Variants in NEK11 observed in about 807,000 individuals in gnomAD.
NEK11 encodes the protein serine/threonine-protein kinase Nek11.
Under a neutral mutation model 80.7 loss-of-function variants are expected in NEK11, and 72 were observed. The ratio of observed to expected loss-of-function variants is 0.89; its 90% confidence interval spans 0.74 to 1.08. The LOEUF is 1.08. Among genes scored for constraint, NEK11 ranks in the 50% least tolerant of loss-of-function variants. The pLI is 0.00. For synonymous variants in NEK11, 251 were observed against 260.7 expected (o/e 0.96, Z 0.36); for missense variants, 764 against 763.6 (o/e 1.00, Z -0.01).
At chr3:131,319,026 T>C (rs1463674792) in intron 17 of NEK11, among the ~76,000 whole-genome samples, 1 of 152,024 alleles carries the variant, frequency 6.6e-6, no homozygotes, top group Non-Finnish European at 1.5e-5. Flanking sequence ...TTGTTTTCAG[T>C]TTTATAACTC....
At chr3:131,110,166 T>C (rs1348144786) in intron 5 of NEK11, among the ~76,000 whole-genome samples, 2 of 152,166 alleles carry the variant, frequency 1.3e-5, no homozygotes, top group African/African-American at 4.8e-5. Context: ...GACAGAAATT[T>C]GTATTAAACA....
intron 3 of NEK11, among the ~76,000 whole-genome samples, chr3:131,062,509 G>C (rs1160335925): frequency 2.6e-5 from 4 of 152,118 alleles, no homozygotes; most frequent in African/African-American, 9.7e-5. Flanking sequence ...TGCACACTGT[G>C]GTAGCCACCA....
At position 131,080,465 on chromosome 3, in the gene NEK11, T is replaced by A; in HGVS notation, c.213T>A (p.Asn71Lys). The change falls in exon 4 of 18, where the codon AAT becomes AAA. Residue 71 changes from asparagine (N) to lysine (K), a missense_variant. Transcript: ENST00000383366. ...KEISVGELNP[N>K]ETVQANLEAQ... ...TATCTGTTGGAGAACTAAATCCAAA[T>A]GAAACTGTACAGGCCAATTTGGAAG... The A allele has an allele frequency of 6.2e-7, 1 of 1,612,696 alleles. No homozygotes were observed.
chr3:131,100,660 T>C (rs1287823362), intron 4 of NEK11, among the ~76,000 whole-genome samples: 2 of 152,186 alleles, frequency 1.3e-5, no homozygotes, highest in African/African-American at 2.4e-5. Flanking sequence ...TTATTGAGGA[T>C]TTTTGCATCA....
At chr3:131,300,571 G>A (rs1158169851) in intron 17 of NEK11, among the ~76,000 whole-genome samples, 1 of 152,140 alleles carries the variant, frequency 6.6e-6, no homozygotes, top group Non-Finnish European at 1.5e-5. Flanking sequence ...GTATAAGGAA[G>A]GGGTCCAGTT....
At chr3:131,211,085 T>G (rs2094597915) in intron 14 of NEK11, among the ~76,000 whole-genome samples, 1 of 152,188 alleles carries the variant, frequency 6.6e-6, no homozygotes, top group African/African-American at 2.4e-5. Context: ...TCTTTACAAT[T>G]TGGCATGTTT....
At chr3:131,267,461 T>A (rs891680872) in intron 16 of NEK11, among the ~76,000 whole-genome samples, 1 of 152,236 alleles carries the variant, frequency 6.6e-6, no homozygotes, top group African/African-American at 2.4e-5. Flanking sequence ...TTAGTTTAGC[T>A]GGATATGACA....
At chr3:131,129,644 T>C (rs2084052788) in intron 5 of NEK11, among the ~76,000 whole-genome samples, 1 of 152,246 alleles carries the variant, frequency 6.6e-6, no homozygotes, top group East Asian at 1.9e-4. Flanking sequence ...AAGGTCTGTG[T>C]CTAGATTCAT....
At chr3:131,252,819 T>C (rs1201724541) in intron 16 of NEK11, among the ~76,000 whole-genome samples, 1 of 152,158 alleles carries the variant, frequency 6.6e-6, no homozygotes, top group East Asian at 1.9e-4. Context: ...TTTATAATCT[T>C]TAAGCCTTGA....
intron 17 of NEK11, among the ~76,000 whole-genome samples, chr3:131,344,301 G>GC (rs1480936364): frequency 6.6e-6 from 1 of 152,190 alleles, no homozygotes; most frequent in Admixed American, 6.5e-5. Flanking sequence ...TAACACCTGT[G>GC]ACCTTTGCTC....
At chr3:131,322,570 G>A (rs1039009625) in intron 17 of NEK11, among the ~76,000 whole-genome samples, 1 of 152,160 alleles carries the variant, frequency 6.6e-6, no homozygotes, top group Non-Finnish European at 1.5e-5. Flanking sequence ...GCAAACCAGA[G>A]CCTGTGTTTC....
chr3:131,159,256 C>T (rs1169491025), intron 10 of NEK11, among the ~76,000 whole-genome samples: 1 of 152,150 alleles, frequency 6.6e-6, no homozygotes, highest in Non-Finnish European at 1.5e-5. Context: ...GACCACAGTA[C>T]CTCCGTAGCA....
chr3:131,154,749 G>A lies in NEK11; in HGVS notation c.877-287G>A, dbSNP rs1183225628. 1.2e-5 allele frequency: 4 copies of A among 325,260 alleles called. No individual in the cohort carries two copies. The East Asian group carries it at 1.6e-4, about 13-fold the overall frequency. The allele number at this position is 325,260 out of a possible 1,614,324, so 20.1% of individuals were successfully genotyped here. On this transcript the variant is annotated intron_variant, in intron 9 of 17. Transcript: ENST00000383366. ...GTCTGGGAGGTTGGAAAAAGCTTGT[G>A]TCTTCTTGTAGCTGAAAGTAGGCCT...
chr3:131,051,565 A>G (rs972450754), intron 3 of NEK11, among the ~76,000 whole-genome samples: 12 of 152,228 alleles, frequency 7.9e-5, no homozygotes, highest in African/African-American at 2.7e-4. Flanking sequence ...GCCTAAACCC[A>G]TACCTTTCAC....
chr3:131,030,970 A>G (rs1404984789), intron 3 of NEK11, among the ~76,000 whole-genome samples: 1 of 152,212 alleles, frequency 6.6e-6, no homozygotes, highest in Non-Finnish European at 1.5e-5. Flanking sequence ...TTAACCCCAG[A>G]AGACCACATT....
intron 14 of NEK11, among the ~76,000 whole-genome samples, chr3:131,171,157 G>T (rs147087892): frequency 6.6e-6 from 1 of 152,186 alleles, no homozygotes; most frequent in Admixed American, 6.5e-5. Context: ...CACTGTTGTC[G>T]TTAAGCTGAC....
At chr3:131,202,782 A>G (rs1166660834) in intron 14 of NEK11, among the ~76,000 whole-genome samples, 4 of 152,218 alleles carry the variant, frequency 2.6e-5, no homozygotes, top group African/African-American at 9.6e-5. Flanking sequence ...ATGAACAGAC[A>G]CTTCTCAAAC....
chr3:131,332,188 C>T (rs1198120951), intron 17 of NEK11, among the ~76,000 whole-genome samples: 2 of 152,218 alleles, frequency 1.3e-5, no homozygotes, highest in African/African-American at 4.8e-5. Context: ...ACCCCTGACC[C>T]CTGAGCAACC....
intron 14 of NEK11, among the ~76,000 whole-genome samples, chr3:131,198,516 A>G (rs1405716617): frequency 2.6e-5 from 4 of 152,174 alleles, no homozygotes; most frequent in Non-Finnish European, 5.9e-5. Context: ...CATTCACATC[A>G]TGAGATGTCC....
Sources: allele counts gnomAD v4.1 joint callset (sites outside exome capture counted in the v4.1 genomes callset), GRCh38; gene constraint gnomAD v4.1.1; transcripts MANE v1.5; gene names NCBI Gene and HGNC (gene_info 2026-07-23, HGNC 2026-07-21).